The following YEATS4 variants were observed in gnomAD, a reference collection of about 807,000 sequenced individuals.
YEATS4 encodes YEATS domain-containing protein 4.
In YEATS4, 17 loss-of-function variants were observed where a neutral mutation model predicts 30.1. The observed-to-expected ratio is 0.56, with a 90% CI of 0.39 to 0.85. The LOEUF (loss-of-function observed/expected upper bound fraction) is 0.85, where lower values mean the gene tolerates loss of function less well. Among genes scored for constraint, YEATS4 ranks in the 40% least tolerant of loss-of-function variants. The probability of loss-of-function intolerance (pLI) is 0.00; values close to 1 mark genes in which losing one functional copy is unlikely to be tolerated. For missense variants in YEATS4, 142 were observed against 268.3 expected (o/e 0.53, Z 3.29); for synonymous variants, 85 against 87.5 (o/e 0.97, Z 0.16).
chr12:69,413,132 G>T, the YEATS4 span, among the ~76,000 whole-genome samples: 1 of 152,086 alleles, frequency 6.6e-6, no homozygotes, highest in Non-Finnish European at 1.5e-5. Context: ...TCTACTAATT[G>T]GCTGGGTGTA....
intron 6 of YEATS4, among the ~76,000 whole-genome samples, chr12:69,387,549 G>A (rs1213624011): frequency 6.6e-6 from 1 of 152,144 alleles, no homozygotes; most frequent in African/African-American, 2.4e-5. Context: ...TCAATAGGGG[G>A]CAGACTAAAT....
At chr12:69,382,757 A>G (rs1237550484) in intron 6 of YEATS4, among the ~76,000 whole-genome samples, 3 of 152,260 alleles carry the variant, frequency 2.0e-5, no homozygotes, top group Admixed American at 6.5e-5. Context: ...GGCTTGGACC[A>G]GAGTGATAGC....
At position 69,389,518 on chromosome 12, in the gene YEATS4, C is replaced by G. The variant is rs906706457; in HGVS notation, c.515-629C>G. 1.0e-4 allele frequency among the ~76,000 whole-genome samples: 15 copies of G among 147,164 alleles called. 1 individual carries two copies. Among genetic ancestry groups the G allele is most frequent in the South Asian group, 4.4e-4 (2 of 4,528 alleles). On this transcript the variant is annotated intron_variant, in intron 6 of 6. Transcript: ENST00000247843. Reference sequence around the variant, plus strand: ...ATACTTGTAGTTAACGCTTCCCCCCCACCCCCACCCATTAAGACAGAGTCT... The same window carrying G: ...ATACTTGTAGTTAACGCTTCCCCCCGACCCCCACCCATTAAGACAGAGTCT...
chr12:69,382,812 A>G (rs193296752), intron 6 of YEATS4, among the ~76,000 whole-genome samples: 1 of 152,332 alleles, frequency 6.6e-6, no homozygotes, highest in East Asian at 1.9e-4. Context: ...GAAAATAGGT[A>G]CAGGAGGATT....
At chr12:69,365,145 G>T (rs1022580972) in intron 2 of YEATS4, among the ~76,000 whole-genome samples, 11 of 151,390 alleles carry the variant, frequency 7.3e-5, no homozygotes, top group Non-Finnish European at 1.2e-4. Flanking sequence ...CTTCCTTTTT[G>T]TTTTTTTAAA....
At chr12:69,400,617 G>A in the YEATS4 span, among the ~76,000 whole-genome samples, 1 of 151,676 alleles carries the variant, frequency 6.6e-6, no homozygotes, top group Admixed American at 6.6e-5. Flanking sequence ...GGAGGCTAAG[G>A]CATGAGGATC....
the YEATS4 span, among the ~76,000 whole-genome samples, chr12:69,412,088 G>A: frequency 3.3e-5 from 5 of 152,200 alleles, no homozygotes; most frequent in African/African-American, 9.6e-5. Context: ...GTCCAGACAC[G>A]AGGTGATGAG....
At chr12:69,404,562 A>G in the YEATS4 span, among the ~76,000 whole-genome samples, 1 of 152,210 alleles carries the variant, frequency 6.6e-6, no homozygotes, top group Non-Finnish European at 1.5e-5. Flanking sequence ...ATGGGAGGAT[A>G]GAACAAGAAG....
downstream of YEATS4, among the ~76,000 whole-genome samples, chr12:69,393,729 T>TA (rs1299432457): frequency 2.0e-5 from 3 of 151,936 alleles, no homozygotes; most frequent in African/African-American, 7.3e-5. Flanking sequence ...GGAGTAGAAA[T>TA]ACAGATGAAA....
Position 69,359,757 on chromosome 12 carries a change from T to C in YEATS4, c.-216T>C, listed in dbSNP as rs2120863715. On this transcript the variant is annotated 5_prime_UTR_variant, in exon 1 of 7. Coordinates refer to ENST00000247843, the MANE Select transcript of YEATS4 (RefSeq NM_006530.4). ...GGCCGTCGCCCCTCTTTTCGCGGCGTTCTCCACCTGCGCGGGCCTGAATGG... is the reference window on the plus strand; with the variant it reads ...GGCCGTCGCCCCTCTTTTCGCGGCGCTCTCCACCTGCGCGGGCCTGAATGG... 1.8e-6 allele frequency: 1 copy of C among 565,314 alleles called. No homozygotes were observed. Among genetic ancestry groups the C allele is most frequent in the East Asian group, 3.1e-5 (1 of 32,120 alleles). 35.0% of individuals were successfully genotyped at this position (565,314 alleles called of 1,614,324 possible). A position where few individuals can be genotyped will look rare whatever the true frequency, so the allele number is the denominator to read the frequency against.
intron 6 of YEATS4, among the ~76,000 whole-genome samples, chr12:69,373,616 T>C (rs1483730060): frequency 2.6e-5 from 4 of 152,188 alleles, no homozygotes; most frequent in Admixed American, 6.5e-5. Flanking sequence ...GGTACAGAAG[T>C]TTTTTAACTT....
chr12:69,400,548 A>C, the YEATS4 span, among the ~76,000 whole-genome samples: 2 of 152,096 alleles, frequency 1.3e-5, no homozygotes, highest in Non-Finnish European at 2.9e-5. Flanking sequence ...TAATTAATAA[A>C]TATTTGAAAA....
intron 6 of YEATS4, among the ~76,000 whole-genome samples, chr12:69,377,627 A>G (rs1875921034): frequency 6.6e-6 from 1 of 152,192 alleles, no homozygotes; most frequent in Admixed American, 6.5e-5. Flanking sequence ...TTTAAATTCC[A>G]TGTGTTTGTA....
chr12:69,362,018 T>TGGTTTTTTTTG (rs1555174236), intron 1 of YEATS4, among the ~76,000 whole-genome samples: 4 of 62,470 alleles, frequency 6.4e-5, no homozygotes, highest in Non-Finnish European at 1.2e-4. Flanking sequence ...TGGTTGTTTT[T>TGGTTTTTTTTG]TTTTTTTTTT....
At chr12:69,378,170 T>G in intron 6 of YEATS4, among the ~76,000 whole-genome samples, 1 of 152,240 alleles carries the variant, frequency 6.6e-6, no homozygotes. Flanking sequence ...CTGCTCTTTT[T>G]TGATTTTGCA....
rs542516607 is a variant in YEATS4 at position 69,365,892 on chromosome 12, G to A, written c.333+8G>A. On this transcript the variant is annotated splice_region_variant and intron_variant, in intron 4 of 6. Coordinates refer to ENST00000247843, the MANE Select transcript of YEATS4 (RefSeq NM_006530.4). ...GACCCTAATGAAAGACCTGTGAGTAGCATTAATCTTTGTAAATATAAAATA... is the reference window on the plus strand; with the variant it reads ...GACCCTAATGAAAGACCTGTGAGTAACATTAATCTTTGTAAATATAAAATA... 6.5e-5 allele frequency: 100 copies of A among 1,542,438 alleles called. No homozygotes were observed. The highest frequency in any genetic ancestry group is 8.1e-5 in the Non-Finnish European group (92 of 1,136,592).
chr12:69,407,666 G>A, the YEATS4 span, among the ~76,000 whole-genome samples: 1 of 146,822 alleles, frequency 6.8e-6, no homozygotes, highest in Non-Finnish European at 1.5e-5. Context: ...GATACCAGTG[G>A]TCCAGTAGTG....
chr12:69,413,916 C>A, the YEATS4 span, among the ~76,000 whole-genome samples: 1 of 151,774 alleles, frequency 6.6e-6, no homozygotes, highest in African/African-American at 2.4e-5. Flanking sequence ...CAAACAGCTT[C>A]AAGAAAGTCT....
intron 6 of YEATS4, among the ~76,000 whole-genome samples, chr12:69,384,114 A>G (rs1314739468): frequency 6.6e-6 from 1 of 152,186 alleles, no homozygotes; most frequent in Non-Finnish European, 1.5e-5. Flanking sequence ...TGTATGCTTT[A>G]GTTTCTTTAT....
Sources: gnomAD v4.1 joint callset for allele counts (sites outside exome capture counted in the v4.1 genomes callset) on GRCh38, gnomAD v4.1.1 for gene constraint, MANE v1.5 for transcripts, NCBI Gene and HGNC (gene_info 2026-07-23, HGNC 2026-07-21) for gene names.